EIF4EBP2: variants seen among roughly 807,000 people sequenced by gnomAD.
EIF4EBP2 encodes the protein eukaryotic translation initiation factor 4E-binding protein 2.
Under a neutral mutation model 10.3 loss-of-function variants are expected in EIF4EBP2, and 5 were observed. The ratio of observed to expected loss-of-function variants is 0.48; its 90% CI spans 0.25 to 1.02. The LOEUF (loss-of-function observed/expected upper bound fraction) is 1.02. EIF4EBP2 is among the 50% of genes least tolerant of loss of function. EIF4EBP2 has a pLI of 0.15. For synonymous variants in EIF4EBP2, 67 were observed against 61.1 expected (o/e 1.10, Z -0.45); for missense variants, 188 against 162.2 (o/e 1.16, Z -0.86).
chr10:70,405,934 G>T (rs758304855), intron 1 of EIF4EBP2, among the ~76,000 whole-genome samples: 1 of 152,128 alleles, frequency 6.6e-6, no homozygotes, highest in Non-Finnish European at 1.5e-5. Flanking sequence ...GTTCTTAGGT[G>T]GCTTAACTCA....
chr10:70,406,889 A>AT (rs1844969174), intron 1 of EIF4EBP2, among the ~76,000 whole-genome samples: 1 of 152,026 alleles, frequency 6.6e-6, no homozygotes, highest in African/African-American at 2.4e-5. Context: ...CTTTGGATTT[A>AT]TTTGTTTATT....
At position 70,404,299 on chromosome 10, in the gene EIF4EBP2, C is replaced by T; in HGVS notation, c.-103C>T. ...GGAACGGGAGGAAGCGAGCGAGGAG[C>T]GCGCAGAGCGCGCTTTTCCGTCCGC... On this transcript the variant is annotated 5_prime_UTR_variant, in exon 1 of 3. Transcript: ENST00000373218. The T allele has an allele frequency of 7.3e-7, 1 of 1,372,412 alleles. No homozygotes were observed. Among genetic ancestry groups the T allele is most frequent in the South Asian group, 1.5e-5 (1 of 64,542 alleles). The allele number at this position is 1,372,412 out of a possible 1,614,324, so 85.0% of individuals were successfully genotyped here. A position where few individuals can be genotyped will look rare whatever the true frequency, so the allele number is the denominator to read the frequency against.
rs1019461480 is a variant in EIF4EBP2, at chr10:70,426,772, T to C, written c.*5025T>C. Reference sequence around the variant, plus strand: ...AATGAATTTTGTTTTTCTTTCTTATTTTGAGGTGGATTGGTCTTCTCTTTT... The same window carrying C: ...AATGAATTTTGTTTTTCTTTCTTATCTTGAGGTGGATTGGTCTTCTCTTTT... On this transcript the variant is annotated 3_prime_UTR_variant, in exon 3 of 3. Transcript: ENST00000373218. The C allele has an allele frequency of 5.9e-5, 9 of 152,348 alleles. No individual in the cohort carries two copies. Among genetic ancestry groups the C allele is most frequent in the African/African-American group, 2.2e-4 (9 of 41,588 alleles). 9.4% of individuals were successfully genotyped at this position (152,348 alleles called of 1,614,324 possible).
intron 1 of EIF4EBP2, among the ~76,000 whole-genome samples, chr10:70,418,839 A>G (rs1845125629): frequency 6.6e-6 from 1 of 152,196 alleles, no homozygotes; most frequent in South Asian, 2.1e-4. Context: ...ATTTTGAGGC[A>G]GGATCTTGCT....
At position 70,427,388 on chromosome 10, in the gene EIF4EBP2, C is replaced by G. The variant is rs1309495413; in HGVS notation, c.*5641C>G. The G allele has an allele frequency of 1.3e-5, 2 of 152,198 alleles. No homozygotes were observed. The highest frequency in any genetic ancestry group is 4.8e-5 in the African/African-American group (2 of 41,444). The allele number at this position is 152,198 out of a possible 1,614,324, so 9.4% of individuals were successfully genotyped here. A position where few individuals can be genotyped will look rare whatever the true frequency, so the allele number is the denominator to read the frequency against. On this transcript the variant is annotated 3_prime_UTR_variant, in exon 3 of 3. Coordinates refer to ENST00000373218, the MANE Select transcript of EIF4EBP2 (RefSeq NM_004096.5). ...TGGGTCACAATTCTTTAGAATGCTT[C>G]TACCCCAGGGCCGCTTCCTGTTCCT...
At chr10:70,406,932 C>G (rs1462385928) in intron 1 of EIF4EBP2, among the ~76,000 whole-genome samples, 2 of 152,178 alleles carry the variant, frequency 1.3e-5, no homozygotes, top group Non-Finnish European at 2.9e-5. Flanking sequence ...GAGTTTCGCT[C>G]TGTAGCCTAG....
Position 70,419,928 on chromosome 10 carries a change from T to G in EIF4EBP2, c.160T>G (p.Tyr54Asp). 1 of 1,585,938 alleles carries G rather than the reference T, an allele frequency of 6.3e-7. No individual in the cohort carries two copies. Among genetic ancestry groups the G allele is most frequent in the Non-Finnish European group, 8.5e-7 (1 of 1,169,648 alleles). ...STTPGGTRIIYDRKFLLDRRN... is the reference protein window; with the variant it reads ...STTPGGTRIIDDRKFLLDRRN... Reference sequence around the variant, plus strand: ...CTGTTTTCCAGGAACTCGAATCATTTATGACAGAAAGTTTCTGTTGGATCG... The same window carrying G: ...CTGTTTTCCAGGAACTCGAATCATTGATGACAGAAAGTTTCTGTTGGATCG... Residue 54 changes from tyrosine to aspartate, a missense_variant, in exon 2 of 3, where the codon TAT (tyrosine) becomes GAT (aspartate). Tyr to Asp is a radical substitution (Grantham distance 160, BLOSUM62 -3). Transcript: ENST00000373218.
Position 70,423,676 on chromosome 10 carries a change from T to C in EIF4EBP2, c.*1929T>C, listed in dbSNP as rs1845180733. 6.6e-6 allele frequency: 1 copy of C among 152,606 alleles called. No individual in the cohort carries two copies. Among genetic ancestry groups the C allele is most frequent in the Non-Finnish European group, 1.5e-5 (1 of 68,046 alleles). 9.5% of individuals were successfully genotyped at this position (152,606 alleles called of 1,614,324 possible). On this transcript the variant is annotated 3_prime_UTR_variant, in exon 3 of 3. Coordinates refer to ENST00000373218, the MANE Select transcript of EIF4EBP2 (RefSeq NM_004096.5). Reference sequence around the variant, plus strand: ...TATGAAAAGACCCTGTTTGTGAATATATTTTAGAAAGAGAGGAAGGATGTC... The same window carrying C: ...TATGAAAAGACCCTGTTTGTGAATACATTTTAGAAAGAGAGGAAGGATGTC...
intron 1 of EIF4EBP2, among the ~76,000 whole-genome samples, chr10:70,408,861 A>T (rs1845011607): frequency 6.6e-6 from 1 of 152,208 alleles, no homozygotes; most frequent in Non-Finnish European, 1.5e-5. Flanking sequence ...TTCAGACTTG[A>T]AAACATTTAG....
At position 70,421,816 on chromosome 10, in the gene EIF4EBP2, A is replaced by G; in HGVS notation, c.*69A>G. 6.7e-7 allele frequency: 1 copy of G among 1,490,140 alleles called. No individual in the cohort carries two copies. The highest frequency in any genetic ancestry group is 9.3e-7 in the Non-Finnish European group (1 of 1,071,990). 92.3% of individuals were successfully genotyped at this position (1,490,140 alleles called of 1,614,324 possible). On this transcript the variant is annotated 3_prime_UTR_variant, in exon 3 of 3. Transcript: ENST00000373218. ...GTGTGCACCTGATTTGGCCAATAGG[A>G]TCAACAGTGAAAAGACAGAAGAGGC...
chr10:70,414,202 A>G (rs189704379), intron 1 of EIF4EBP2, among the ~76,000 whole-genome samples: 141 of 152,084 alleles, frequency 9.3e-4, no homozygotes, highest in Admixed American at 4.6e-3. Context: ...TTGAATCTTA[A>G]TTTTTTTTCT....
chr10:70,408,807 A>C (rs1202028709), intron 1 of EIF4EBP2, among the ~76,000 whole-genome samples: 4 of 152,260 alleles, frequency 2.6e-5, no homozygotes, highest in Admixed American at 2.6e-4. Context: ...CAGACAGATA[A>C]GATTTTTAGT....
intron 1 of EIF4EBP2, among the ~76,000 whole-genome samples, chr10:70,407,009 T>C (rs1341286290): frequency 1.3e-5 from 2 of 152,198 alleles, no homozygotes; most frequent in East Asian, 3.9e-4. Flanking sequence ...GCCATTCTCC[T>C]GCCTCAGCCT....
Position 70,425,522 on chromosome 10 carries a change from A to G in EIF4EBP2, c.*3775A>G, listed in dbSNP as rs1414674854. The G allele has an allele frequency of 6.6e-6, 1 of 152,240 alleles. No homozygotes were observed. Among genetic ancestry groups the G allele is most frequent in the East Asian group, 1.9e-4 (1 of 5,206 alleles). The allele number at this position is 152,240 out of a possible 1,614,324, so 9.4% of individuals were successfully genotyped here. ...TTGCTATCAAAAACAGTTCTCCAAG[A>G]TGTGCATAGCCAAACTGGGATAGAA... On this transcript the variant is annotated 3_prime_UTR_variant, in exon 3 of 3. Transcript: ENST00000373218.
chr10:70,420,826 G>C (rs955799054), intron 2 of EIF4EBP2, among the ~76,000 whole-genome samples: 2 of 151,988 alleles, frequency 1.3e-5, no homozygotes, highest in Non-Finnish European at 2.9e-5. Context: ...ACGGAGTCTT[G>C]CTCTGTTGCC....
rs1016746542 is a variant in EIF4EBP2 at position 70,425,863 on chromosome 10, G to A, written c.*4116G>A. 3 of 152,228 alleles carry A rather than the reference G, an allele frequency of 2.0e-5. No individual in the cohort carries two copies. The allele number at this position is 152,228 out of a possible 1,614,324, so 9.4% of individuals were successfully genotyped here. ...AGAAAAGAAAGCAGTTCACATTTAG[G>A]TGAAATAGATGATGTTATCAGGAAG... is the stretch of plus-strand genomic sequence containing the variant. On this transcript the variant is annotated 3_prime_UTR_variant, in exon 3 of 3. Transcript: ENST00000373218.
rs1225703236 is a variant in EIF4EBP2, at chr10:70,404,414, G to T, written c.13G>T (p.Ala5Ser). The change falls in exon 1 of 3, where the codon GCC (alanine) becomes TCC (serine). Residue 5 changes from alanine to serine, a missense_variant. Transcript: ENST00000373218. The part of the protein sequence containing the change: MSSS[A>S]GSGHQPSQSR... ...CGCGCCCACAGCCATGTCCTCGTCA[G>T]CCGGCAGCGGCCACCAGCCCAGCCA... 6.3e-7 allele frequency: 1 copy of T among 1,586,898 alleles called. No homozygotes were observed. Among genetic ancestry groups the T allele is most frequent in the South Asian group, 1.1e-5 (1 of 88,590 alleles).
At position 70,421,171 on chromosome 10, in the gene EIF4EBP2, A is replaced by G. The variant is rs1048499912; in HGVS notation, c.332-545A>G. ...TGGTTTATTTCCTCTATTTTCCAGA[A>G]CTGCGTTTAAGGTTTACCTAAATTA... On this transcript the variant is annotated intron_variant, in intron 2 of 2. Transcript: ENST00000373218. 2.9e-4 allele frequency among the ~76,000 whole-genome samples: 44 copies of G among 152,140 alleles called. 1 individual carries two copies. The highest frequency in any genetic ancestry group is 1.5e-3 in the Admixed American group (23 of 15,272).
Position 70,423,240 on chromosome 10 carries a change from C to T in EIF4EBP2, c.*1493C>T, listed in dbSNP as rs868458066. The T allele has an allele frequency of 1.3e-5, 2 of 152,638 alleles. No homozygotes were observed. The highest frequency in any genetic ancestry group is 2.4e-5 in the African/African-American group (1 of 41,436). The allele number at this position is 152,638 out of a possible 1,614,324, so 9.5% of individuals were successfully genotyped here. On this transcript the variant is annotated 3_prime_UTR_variant, in exon 3 of 3. Coordinates refer to ENST00000373218, the MANE Select transcript of EIF4EBP2 (RefSeq NM_004096.5). ...CATAGGCAAGTCTGCTGTTCTATGT[C>T]ACCATCTTTTGTCTCCCCTAGTCCC...
Sources: gnomAD v4.1 joint callset for allele counts (sites outside exome capture counted in the v4.1 genomes callset) on GRCh38, gnomAD v4.1.1 for gene constraint, MANE v1.5 for transcripts, NCBI Gene and HGNC (gene_info 2026-07-23, HGNC 2026-07-21) for gene names.